FDFT1: variants seen among roughly 807,000 people sequenced by gnomAD.
FDFT1 encodes the protein farnesyl-diphosphate farnesyltransferase 1.
FDFT1 carries 68 observed loss-of-function variants against 46.8 expected under a neutral mutation model. That is an observed-to-expected ratio of 1.45 (90% CI 1.19 to 1.78). The LOEUF is 1.78. FDFT1 is among the 40% of genes most tolerant of loss of function. The pLI, the probability that FDFT1 is intolerant of heterozygous loss-of-function variation, is 0.00. For missense variants in FDFT1, 928 were observed against 524.4 expected (o/e 1.77, Z -7.52); for synonymous variants, 351 against 185.1 (o/e 1.90, Z -7.28).
chr8:11,828,793 G>T (rs1439928231), intron 5 of FDFT1, among the ~76,000 whole-genome samples: 2 of 152,214 alleles, frequency 1.3e-5, no homozygotes, highest in Non-Finnish European at 2.9e-5. Flanking sequence ...GGCTTCTTTT[G>T]CTAGCATGTT....
At chr8:11,815,481 C>T (rs1022770007) in intron 3 of FDFT1, among the ~76,000 whole-genome samples, 4 of 152,208 alleles carry the variant, frequency 2.6e-5, no homozygotes, top group African/African-American at 9.7e-5. Flanking sequence ...TTTACACTCC[C>T]ACCAACAGTG....
upstream of FDFT1, chr8:11,802,693 G>A: frequency 3.0e-6 from 2 of 669,524 alleles, no homozygotes; most frequent in Admixed American, 2.7e-5. Context: ...CGGAGCGGCG[G>A]GCGGGGCGTC....
chr8:11,826,073 T>C lies in FDFT1; in HGVS notation c.560T>C (p.Phe187Ser). The C allele has an allele frequency of 6.2e-7, 1 of 1,606,930 alleles. No homozygotes were observed. Among genetic ancestry groups the C allele is most frequent in the Non-Finnish European group, 8.5e-7 (1 of 1,174,348 alleles). ...GLVGIGLSRL[F>S]SASEFEDPLV... The stretch of plus-strand genomic sequence containing the variant: ...GTCGGAATTGGCCTTTCCCGTCTTT[T>C]CTCAGCCTCAGAGTTTGAAGACCCC... The change falls in exon 5 of 8, where the codon TTC becomes TCC. Residue 187 changes from phenylalanine to serine, a missense_variant. By Grantham distance (155) the Phe-to-Ser change is radical. Transcript: ENST00000220584.
chr8:11,835,202 C>T (rs1406797297), intron 7 of FDFT1, among the ~76,000 whole-genome samples: 1 of 152,182 alleles, frequency 6.6e-6, no homozygotes, highest in Admixed American at 6.5e-5. Flanking sequence ...CCTTGACAAG[C>T]AGATGTAACT....
At chr8:11,826,408 G>C (rs966293496) in intron 5 of FDFT1, among the ~76,000 whole-genome samples, 193 bp downstream of exon 5, 1 of 152,196 alleles carries the variant, frequency 6.6e-6, no homozygotes, top group African/African-American at 2.4e-5. Flanking sequence ...TTCACACCAC[G>C]TAATCAGTAT....
In FDFT1 at chr8:11,838,430, A is replaced by G. The variant is rs773305066; in HGVS notation, c.1075A>G (p.Thr359Ala). Residue 359 changes from threonine (T) to alanine (A), a missense_variant, in exon 8 of 8, where the codon ACA (threonine) becomes GCA (alanine). By Grantham distance (58) the Thr-to-Ala change is moderately conservative. Coordinates refer to ENST00000220584, the MANE Select transcript of FDFT1 (RefSeq NM_004462.5). Reference protein sequence around the residue: ...IPDSDPSSSKTRQIISTIRTQ... With the variant: ...IPDSDPSSSKARQIISTIRTQ... The stretch of plus-strand genomic sequence containing the variant: ...CGACTCAGACCCATCTTCTAGCAAA[A>G]CAAGGCAGATCATCTCCACCATCCG... 1 of 1,612,450 alleles carries G rather than the reference A, an allele frequency of 6.2e-7. No homozygotes were observed. The highest frequency in any genetic ancestry group is 1.3e-5 in the African/African-American group (1 of 74,856).
At chr8:11,805,349 A>G (rs1268745073) in intron 1 of FDFT1, among the ~76,000 whole-genome samples, 1 of 152,236 alleles carries the variant, frequency 6.6e-6, no homozygotes, top group African/African-American at 2.4e-5. Context: ...TTTTAGGTGC[A>G]TATCAGTAAA....
intron 1 of FDFT1, among the ~76,000 whole-genome samples, chr8:11,804,649 G>C (rs528969622): frequency 1.6e-5 from 2 of 126,674 alleles, no homozygotes; most frequent in Non-Finnish European, 3.1e-5. Flanking sequence ...TGTTACCCAG[G>C]CTGGAGTGCA....
chr8:11,808,398 C>G, intron 1 of FDFT1: 2 of 1,236,062 alleles, frequency 1.6e-6, no homozygotes, highest in Non-Finnish European at 2.0e-6. Context: ...GGGGCGGGCC[C>G]GTTGTGGGTC....
At chr8:11,837,930 T>G (rs1253791608) in intron 7 of FDFT1, among the ~76,000 whole-genome samples, 1 of 152,162 alleles carries the variant, frequency 6.6e-6, no homozygotes, top group African/African-American at 2.4e-5. Context: ...GCTCCCTGCT[T>G]CTGTTCCTGT....
chr8:11,811,758 G>C (rs189543500), intron 3 of FDFT1, among the ~76,000 whole-genome samples: 1 of 152,180 alleles, frequency 6.6e-6, no homozygotes, highest in Admixed American at 6.5e-5. Flanking sequence ...AGCCAGGCAC[G>C]GCTGTTTTCA....
intron 3 of FDFT1, among the ~76,000 whole-genome samples, chr8:11,813,327 A>G (rs994558036): frequency 6.6e-6 from 1 of 152,244 alleles, no homozygotes. Flanking sequence ...AAATGATAAT[A>G]GCAATAATAG....
intron 3 of FDFT1, among the ~76,000 whole-genome samples, chr8:11,811,195 A>G (rs181647267): frequency 1.9e-3 from 292 of 152,340 alleles, no homozygotes; most frequent in Middle Eastern, 6.8e-3. Flanking sequence ...CTCTCACAGG[A>G]CACCTGATGA....
intron 3 of FDFT1, among the ~76,000 whole-genome samples, chr8:11,814,767 A>G (rs1390688541): frequency 1.3e-5 from 2 of 152,076 alleles, no homozygotes; most frequent in African/African-American, 4.8e-5. Context: ...AGTGAGAGAA[A>G]CTCTATAGCT....
chr8:11,825,499 C>G (rs1255324063), intron 4 of FDFT1, among the ~76,000 whole-genome samples: 1 of 148,568 alleles, frequency 6.7e-6, no homozygotes, highest in East Asian at 2.0e-4. Flanking sequence ...GAGATTGTGC[C>G]AGTGCACTCC....
intron 1 of FDFT1, among the ~76,000 whole-genome samples, chr8:11,806,397 C>G (rs541307697): frequency 1.3e-5 from 2 of 152,028 alleles, no homozygotes; most frequent in African/African-American, 4.8e-5. Context: ...CTGTTTTGTT[C>G]TTGGTGATTT....
intron 3 of FDFT1, among the ~76,000 whole-genome samples, chr8:11,814,972 A>T (rs7814619): frequency 6.6e-6 from 1 of 152,010 alleles, no homozygotes; most frequent in Non-Finnish European, 1.5e-5. Flanking sequence ...ACACCCATCA[A>T]CTCGTCATTT....
At chr8:11,832,562 A>AAAAAAAAAAAC (rs1810957963) in intron 7 of FDFT1, among the ~76,000 whole-genome samples, 2 of 147,944 alleles carry the variant, frequency 1.4e-5, no homozygotes, top group African/African-American at 2.5e-5. Context: ...AAAAAAAAAA[A>AAAAAAAAAAAC]AAAAAAAAAA....
intron 3 of FDFT1, among the ~76,000 whole-genome samples, chr8:11,820,494 G>T (rs1585936361): frequency 6.6e-6 from 1 of 151,818 alleles, no homozygotes; most frequent in East Asian, 2.0e-4. Flanking sequence ...CTGAGCTGCG[G>T]TGGGCTCCAC....
Sources: allele counts gnomAD v4.1 joint callset (sites outside exome capture counted in the v4.1 genomes callset), GRCh38; gene constraint gnomAD v4.1.1; transcripts MANE v1.5; gene names NCBI Gene and HGNC (gene_info 2026-07-23, HGNC 2026-07-21).